CSNK1D: variants seen among roughly 807,000 people sequenced by gnomAD.
CSNK1D encodes casein kinase 1 delta.
CSNK1D carries 16 observed loss-of-function variants against 46.6 expected under a neutral mutation model. The ratio of observed to expected loss-of-function variants is 0.34; its 90% CI spans 0.23 to 0.52. The LOEUF is 0.52. Ranked by LOEUF, CSNK1D falls within the 20% of genes least tolerant of loss-of-function variation. The pLI, the probability that CSNK1D is intolerant of heterozygous loss-of-function variation, is 0.95. For synonymous variants in CSNK1D, 276 were observed against 228.2 expected (o/e 1.21, Z -1.89); for missense variants, 398 against 578.4 (o/e 0.69, Z 3.20).
downstream of CSNK1D, among the ~76,000 whole-genome samples, chr17:82,241,643 A>G (rs1909000230): frequency 6.6e-6 from 1 of 152,108 alleles, no homozygotes; most frequent in South Asian, 2.1e-4. Flanking sequence ...GCTGAGCCTC[A>G]CCCACGGCCA....
At chr17:82,256,576 G>A (rs888154400) in intron 2 of CSNK1D, among the ~76,000 whole-genome samples, 3 of 151,664 alleles carry the variant, frequency 2.0e-5, no homozygotes, top group Non-Finnish European at 4.4e-5. Context: ...CACCCAAGAC[G>A]TTACGTATGA....
chr17:82,272,873 G>A (rs2051668328), intron 1 of CSNK1D, among the ~76,000 whole-genome samples: 1 of 150,810 alleles, frequency 6.6e-6, no homozygotes, highest in South Asian at 2.1e-4. Context: ...CGCGGCCCCA[G>A]CCCTACCCCC....
Position 82,273,077 on chromosome 17 carries a change from C to G in CSNK1D, c.76+229G>C. 1 of 546,384 alleles carries G rather than the reference C, an allele frequency of 1.8e-6. No individual in the cohort carries two copies. The highest frequency in any genetic ancestry group is 3.2e-6 in the Non-Finnish European group (1 of 308,704). 33.8% of individuals were successfully genotyped at this position (546,384 alleles called of 1,614,324 possible). A position where few individuals can be genotyped will look rare whatever the true frequency, so the allele number is the denominator to read the frequency against. On this transcript the variant is annotated intron_variant, in intron 1 of 8. Coordinates refer to ENST00000314028, the MANE Select transcript of CSNK1D (RefSeq NM_001893.6). The surrounding 1 kb of genome is among the most constrained non-coding windows in gnomAD (Gnocchi z 5.1). ...TTCCCCAACCCTCCCCTCTCCAGACCCTGCTCCCCCGACCTGGTCCTGCCC... is the reference window on the plus strand; with the variant it reads ...TTCCCCAACCCTCCCCTCTCCAGACGCTGCTCCCCCGACCTGGTCCTGCCC...
At chr17:82,262,356 T>C (rs909645374) in intron 2 of CSNK1D, among the ~76,000 whole-genome samples, 2 of 152,176 alleles carry the variant, frequency 1.3e-5, no homozygotes, top group Non-Finnish European at 2.9e-5. Context: ...GTTTCCTCAT[T>C]TGCAACATAA....
At chr17:82,257,933 T>G (rs1237160760) in intron 2 of CSNK1D, among the ~76,000 whole-genome samples, 4 of 152,176 alleles carry the variant, frequency 2.6e-5, no homozygotes, top group African/African-American at 7.2e-5. Context: ...GTTTTTTAAC[T>G]GGCCAGGCTC....
At chr17:82,268,987 C>T (rs984394081) in intron 1 of CSNK1D, among the ~76,000 whole-genome samples, 3 of 151,226 alleles carry the variant, frequency 2.0e-5, no homozygotes, top group Non-Finnish European at 4.4e-5. Flanking sequence ...ACCCCAGCTA[C>T]TCAGGAGGTT....
At chr17:82,270,526 G>C (rs752452195) in intron 1 of CSNK1D, among the ~76,000 whole-genome samples, 18 of 152,216 alleles carry the variant, frequency 1.2e-4, no homozygotes, top group Non-Finnish European at 2.2e-4. Context: ...TGAAGACCTA[G>C]TTCCTCGATT....
At chr17:82,257,874 A>G (rs991813072) in intron 2 of CSNK1D, among the ~76,000 whole-genome samples, 6 of 152,216 alleles carry the variant, frequency 3.9e-5, no homozygotes, top group Non-Finnish European at 7.3e-5. Flanking sequence ...TCAGCAGGGA[A>G]AGCCATGAAA....
intron 2 of CSNK1D, among the ~76,000 whole-genome samples, chr17:82,256,451 T>C (rs146492365): frequency 1.8e-4 from 27 of 149,432 alleles, no homozygotes; most frequent in African/African-American, 6.0e-4. Flanking sequence ...AAATGGAGGC[T>C]GCAGTGAGCC....
intron 1 of CSNK1D, among the ~76,000 whole-genome samples, chr17:82,267,724 C>A (rs938921325): frequency 6.6e-6 from 1 of 152,210 alleles, no homozygotes; most frequent in Non-Finnish European, 1.5e-5. Context: ...ACTCAACTCG[C>A]CAGCCGGGAG....
rs2050934487 is a variant in CSNK1D, at chr17:82,249,277, C to CT, written c.1057+153dup. 17 of 877,952 alleles carry CT rather than the reference C, an allele frequency of 1.9e-5. No individual in the cohort carries two copies. The highest frequency in any genetic ancestry group is 2.9e-5 in the Non-Finnish European group (17 of 585,138). 54.4% of individuals were successfully genotyped at this position (877,952 alleles called of 1,614,324 possible). ...CAGGTGCCGGCATTTCTAAAGGCGCCTGGGCAGCCTGGCTCATCCACCCTC... is the reference window on the plus strand; with the variant it reads ...CAGGTGCCGGCATTTCTAAAGGCGCCTTGGGCAGCCTGGCTCATCCACCCTC... On this transcript the variant is annotated intron_variant, in intron 7 of 8. Transcript: ENST00000314028. The surrounding 1 kb of genome is among the most constrained non-coding windows in gnomAD (Gnocchi z 6.7).
chr17:82,266,328 G>A (rs2051467118), intron 1 of CSNK1D, among the ~76,000 whole-genome samples: 1 of 152,218 alleles, frequency 6.6e-6, no homozygotes, highest in African/African-American at 2.4e-5. Flanking sequence ...CCTATTGCAG[G>A]CAAACACCCT....
At chr17:82,270,703 G>A (rs1013318575) in intron 1 of CSNK1D, among the ~76,000 whole-genome samples, 2 of 152,104 alleles carry the variant, frequency 1.3e-5, no homozygotes, top group African/African-American at 4.8e-5. Flanking sequence ...CCTCCGTGGG[G>A]TCGTCTGAAA....
intron 2 of CSNK1D, among the ~76,000 whole-genome samples, chr17:82,262,637 T>C (rs2051369482): frequency 6.6e-6 from 1 of 152,078 alleles, no homozygotes; most frequent in African/African-American, 2.4e-5. Flanking sequence ...CAGCAAACAC[T>C]GCACAAGGGG....
chr17:82,257,628 G>A (rs1415739094), intron 2 of CSNK1D, among the ~76,000 whole-genome samples: 1 of 152,246 alleles, frequency 6.6e-6, no homozygotes, highest in Non-Finnish European at 1.5e-5. Context: ...CTGTGCCTGA[G>A]GGCGGGAAGG....
At position 82,244,091 on chromosome 17, in the gene CSNK1D, G is replaced by A; in HGVS notation, c.*690C>T. ...CAGGCATGTCAATTACGGGAGGAGGGAGGGTGAGACGCCAAAATCAGGTTG... is the reference window on the plus strand; with the variant it reads ...CAGGCATGTCAATTACGGGAGGAGGAAGGGTGAGACGCCAAAATCAGGTTG... On this transcript the variant is annotated 3_prime_UTR_variant, in exon 9 of 9. Coordinates refer to ENST00000314028, the MANE Select transcript of CSNK1D (RefSeq NM_001893.6). 5.0e-6 allele frequency: 5 copies of A among 990,362 alleles called. No homozygotes were observed. Among genetic ancestry groups the A allele is most frequent in the Non-Finnish European group, 6.0e-6 (5 of 832,722 alleles). 61.3% of individuals were successfully genotyped at this position (990,362 alleles called of 1,614,324 possible).
At chr17:82,262,440 C>G (rs1044440385) in intron 2 of CSNK1D, among the ~76,000 whole-genome samples, 7 of 152,230 alleles carry the variant, frequency 4.6e-5, no homozygotes, top group African/African-American at 1.4e-4. Context: ...GCTCATTCTT[C>G]CCAAGCTGCA....
chr17:82,264,352 C>T (rs2051412994), intron 2 of CSNK1D, among the ~76,000 whole-genome samples: 1 of 152,234 alleles, frequency 6.6e-6, no homozygotes, highest in Non-Finnish European at 1.5e-5. Flanking sequence ...TGTTGAGACA[C>T]ACGCTTCATG....
Position 82,251,805 on chromosome 17 carries a change from A to C in CSNK1D, c.737-278T>G. On this transcript the variant is annotated intron_variant, in intron 5 of 8. Coordinates refer to ENST00000314028, the MANE Select transcript of CSNK1D (RefSeq NM_001893.6). The surrounding 1 kb of genome is among the most constrained non-coding windows in gnomAD (Gnocchi z 4.5). ...GGAGATCAAGACCATCCTGGCTAACACAGTGAAACCCCATCTCTACTGAAA... is the reference window on the plus strand; with the variant it reads ...GGAGATCAAGACCATCCTGGCTAACCCAGTGAAACCCCATCTCTACTGAAA... The C allele has an allele frequency of 4.6e-6, 2 of 432,154 alleles. No homozygotes were observed. Among genetic ancestry groups the C allele is most frequent in the Non-Finnish European group, 4.3e-6 (1 of 232,308 alleles). The allele number at this position is 432,154 out of a possible 1,614,324, so 26.8% of individuals were successfully genotyped here.
Sources: allele counts gnomAD v4.1 joint callset (sites outside exome capture counted in the v4.1 genomes callset), GRCh38; gene constraint gnomAD v4.1.1; non-coding constraint Gnocchi (gnomAD v3.1); transcripts MANE v1.5; gene names NCBI Gene and HGNC (gene_info 2026-07-23, HGNC 2026-07-21).